ODAD3: variants seen among roughly 807,000 people sequenced by gnomAD.
The protein encoded by ODAD3 is outer dynein arm-docking complex subunit 3.
A neutral mutation model predicts 70.9 loss-of-function variants in ODAD3; 57 were observed. The observed-to-expected ratio is 0.80, with a 90% CI of 0.65 to 1.00. ODAD3 has a LOEUF of 1.00. Among genes scored for constraint, ODAD3 ranks in the 50% least tolerant of loss-of-function variants. ODAD3 has a pLI of 0.00. For synonymous variants in ODAD3, 327 were observed against 315.9 expected (o/e 1.04, Z -0.37); for missense variants, 797 against 763.9 (o/e 1.04, Z -0.51).
At chr19:11,421,528 G>A in intron 11 of ODAD3, 149 bp downstream of exon 11, 1 of 1,096,994 alleles carries the variant, frequency 9.1e-7, no homozygotes, top group South Asian at 1.5e-5. Context: ...CTCACCCCTG[G>A]CTCGTCAAAC....
In ODAD3 at chr19:11,422,905, G is replaced by A. The variant is rs1440982391; in HGVS notation, c.1117-44C>T. ...CAGTCAGAGCCAGGGCCTAGGGAGCGTAGGGGCGCTCCACCTCCTCTCCCC... is the reference window on the plus strand; with the variant it reads ...CAGTCAGAGCCAGGGCCTAGGGAGCATAGGGGCGCTCCACCTCCTCTCCCC... On this transcript the variant is annotated intron_variant, in intron 8 of 12. Coordinates refer to ENST00000356392, the MANE Select transcript of ODAD3 (RefSeq NM_145045.5). This position sits in a 1 kb window ranked among gnomAD's most constrained non-coding sequence, Gnocchi z 4.6. The A allele has an allele frequency of 6.3e-7, 1 of 1,580,022 alleles. No individual in the cohort carries two copies. The highest frequency in any genetic ancestry group is 8.6e-7 in the Non-Finnish European group (1 of 1,167,920).
At position 11,422,761 on chromosome 19, in the gene ODAD3, T is replaced by C; in HGVS notation, c.1217A>G (p.Lys406Arg). ...TTCCAGCTCCCGCTGCAGTTGTTGC[T>C]TCTCCTGCTTCAGCCTCACCAACGT... ...EQTLVRLKQE[K>R]QQLQRELEDL... The change falls in exon 9 of 13, where the codon AAG (lysine) becomes AGG (arginine). Residue 406 changes from lysine to arginine, a missense_variant. Lys to Arg is a conservative substitution (Grantham distance 26, BLOSUM62 2). Transcript: ENST00000356392. This position sits in a 1 kb window ranked among gnomAD's most constrained non-coding sequence, Gnocchi z 4.6. The C allele has an allele frequency of 6.2e-7, 1 of 1,612,312 alleles. No individual in the cohort carries two copies.
intron 3 of ODAD3, among the ~76,000 whole-genome samples, chr19:11,428,901 ATTTT>A (rs1409636453): frequency 1.4e-5 from 2 of 146,426 alleles, no homozygotes; most frequent in African/African-American, 5.0e-5. Flanking sequence ...TTATTTATTT[ATTTT>A]GAGACAGAGT....
chr19:11,422,353 A>T lies in ODAD3; in HGVS notation c.1434+118T>A, dbSNP rs1969157735. 1.6e-6 allele frequency: 2 copies of T among 1,271,342 alleles called. No individual in the cohort carries two copies. The highest frequency in any genetic ancestry group is 1.6e-5 in the South Asian group (1 of 64,008). 78.8% of individuals were successfully genotyped at this position (1,271,342 alleles called of 1,614,324 possible). A position where few individuals can be genotyped will look rare whatever the true frequency, so the allele number is the denominator to read the frequency against. On this transcript the variant is annotated intron_variant, in intron 10 of 12. Transcript: ENST00000356392. This position sits in a 1 kb window ranked among gnomAD's most constrained non-coding sequence, Gnocchi z 4.6. ...GGGCGGGGCCTCTGACGTCCGGGACAGAGGATGTGGCAGGCCACGTTCCCT... is the reference window on the plus strand; with the variant it reads ...GGGCGGGGCCTCTGACGTCCGGGACTGAGGATGTGGCAGGCCACGTTCCCT...
chr19:11,426,109 T>C, intron 7 of ODAD3, 35 bp downstream of exon 7: 1 of 1,594,532 alleles, frequency 6.3e-7, no homozygotes, highest in Non-Finnish European at 8.5e-7. Context: ...TGGGCTGGGC[T>C]GGAGTCACAG....
Position 11,426,726 on chromosome 19 carries a change from T to C in ODAD3, c.671A>G (p.Glu224Gly). The change falls in exon 5 of 13, where the codon GAG becomes GGG. Residue 224 changes from glutamate (E) to glycine (G), a missense_variant. Physicochemically the swap from Glu to Gly is moderately conservative, Grantham distance 98. Coordinates refer to ENST00000356392, the MANE Select transcript of ODAD3 (RefSeq NM_145045.5). The part of the protein sequence containing the change: ...EKAQMKAQEA[E>G]HITSVYLQLK... Reference sequence around the variant, plus strand: ...CTGCAGGTACACGCTGGTAATGTGCTCGGCCTCCTGCGCCTTCATCTGGGC... The same window carrying C: ...CTGCAGGTACACGCTGGTAATGTGCCCGGCCTCCTGCGCCTTCATCTGGGC... 6.2e-7 allele frequency: 1 copy of C among 1,613,932 alleles called. No individual in the cohort carries two copies. The highest frequency in any genetic ancestry group is 8.5e-7 in the Non-Finnish European group (1 of 1,179,880).
At position 11,426,916 on chromosome 19, in the gene ODAD3, A is replaced by G. The variant is rs1969391214; in HGVS notation, c.569T>C (p.Leu190Pro). 1 of 1,609,890 alleles carries G rather than the reference A, an allele frequency of 6.2e-7. No individual in the cohort carries two copies. Among genetic ancestry groups the G allele is most frequent in the Middle Eastern group, 1.7e-4 (1 of 6,058 alleles). Residue 190 changes from leucine (L) to proline (P), a missense_variant, in exon 4 of 13, where the codon CTG becomes CCG. Coordinates refer to ENST00000356392, the MANE Select transcript of ODAD3 (RefSeq NM_145045.5). ...ELQLQHSLRL[L>P]EMAEAQNRHT... ...TCTGTTTTGCGCCTCCGCCATCTCCAGAAGGCGCAGGCTGTGCTGCAGCTG... is the reference window on the plus strand; with the variant it reads ...TCTGTTTTGCGCCTCCGCCATCTCCGGAAGGCGCAGGCTGTGCTGCAGCTG...
intron 7 of ODAD3, among the ~76,000 whole-genome samples, chr19:11,425,491 GTATATATGTATATATGTGTGTATA>G (rs1969331389): frequency 3.7e-5 from 5 of 134,556 alleles, no homozygotes; most frequent in East Asian, 2.0e-4. Context: ...GTGTATATAT[GTATATATGTATATATGTGTGTATA>G]TATGTATATA....
upstream of ODAD3, chr19:11,435,687 G>A: frequency 7.6e-7 from 1 of 1,308,978 alleles, no homozygotes; most frequent in Non-Finnish European, 1.0e-6. Flanking sequence ...GGTGGATACT[G>A]ACCTTTGCTC....
At chr19:11,433,413 C>T (rs1969543801) in intron 1 of ODAD3, among the ~76,000 whole-genome samples, 1 of 152,232 alleles carries the variant, frequency 6.6e-6, no homozygotes, top group African/African-American at 2.4e-5. Context: ...GCAAACCAAC[C>T]CTTTTCCAAC....
rs1969251651 is a variant in ODAD3 at position 11,424,982 on chromosome 19, T to TATATATAC, written c.964-954_964-953insGTATATAT. ...ATATGTGTATATATGTATATATGTG[T>TATATATAC]ATATGTACATATGTGTATATGTATA... On this transcript the variant is annotated intron_variant, in intron 7 of 12. Coordinates refer to ENST00000356392, the MANE Select transcript of ODAD3 (RefSeq NM_145045.5). Among the ~76,000 whole-genome samples the TATATATAC allele has an allele frequency of 1.2e-4, 16 of 132,360 alleles. 1 individual carries two copies. The highest frequency in any genetic ancestry group is 2.4e-4 in the Non-Finnish European group (15 of 63,318). The allele number at this position is 132,360 out of a possible 152,430, so 86.8% of individuals were successfully genotyped here.
At position 11,426,884 on chromosome 19, in the gene ODAD3, C is replaced by G. The variant is rs747579841; in HGVS notation, c.601G>C (p.Glu201Gln). 1 of 1,609,636 alleles carries G rather than the reference C, an allele frequency of 6.2e-7. No individual in the cohort carries two copies. The highest frequency in any genetic ancestry group is 1.1e-5 in the South Asian group (1 of 90,862). The change falls in exon 4 of 13, where the codon GAG (glutamate) becomes CAG (glutamine). Residue 201 changes from glutamate to glutamine, a missense_variant. Physicochemically the swap from Glu to Gln is conservative, Grantham distance 29. Coordinates refer to ENST00000356392, the MANE Select transcript of ODAD3 (RefSeq NM_145045.5). ...EMAEAQNRHT[E>Q]VAKTMRNLEN... ...TCACCCGCCCCTACCTTGGCCACCT[C>G]CGTGTGTCTGTTTTGCGCCTCCGCC...
At position 11,434,881 on chromosome 19, in the gene ODAD3, G is replaced by C; in HGVS notation, c.136C>G (p.Gln46Glu). The change falls in exon 1 of 13, where the codon CAG becomes GAG. Residue 46 changes from glutamine to glutamate, a missense_variant. Physicochemically the swap from Gln to Glu is conservative, Grantham distance 29. Transcript: ENST00000356392. Reference sequence around the variant, plus strand: ...TTGGAACGGCCTGGGGTCCACGCCTGGGCTGTGCCCTTGCCTCGGAGGTGG... The same window carrying C: ...TTGGAACGGCCTGGGGTCCACGCCTCGGCTGTGCCCTTGCCTCGGAGGTGG... ...PSHLRGKGTA[Q>E]AWTPGRSKGG... The C allele has an allele frequency of 6.2e-7, 1 of 1,614,200 alleles. No homozygotes were observed. Among genetic ancestry groups the C allele is most frequent in the Non-Finnish European group, 8.5e-7 (1 of 1,180,034 alleles).
chr19:11,431,470 C>G (rs552120658), intron 1 of ODAD3, among the ~76,000 whole-genome samples: 1 of 151,714 alleles, frequency 6.6e-6, no homozygotes, highest in African/African-American at 2.4e-5. Flanking sequence ...ATGGTAAAAC[C>G]GCATCTCTAC....
chr19:11,434,681 G>C, intron 1 of ODAD3, 92 bp downstream of exon 1: 1 of 1,484,158 alleles, frequency 6.7e-7, no homozygotes, highest in Non-Finnish European at 9.1e-7. Context: ...GGTTTACCTA[G>C]ACTCATGCTG....
chr19:11,426,130 C>T lies in ODAD3; in HGVS notation c.963+14G>A, dbSNP rs1043109342. 6.2e-7 allele frequency: 1 copy of T among 1,602,302 alleles called. No individual in the cohort carries two copies. Among genetic ancestry groups the T allele is most frequent in the Admixed American group, 1.7e-5 (1 of 58,738 alleles). ...GGGCTGGAGTCACAGGCGCGCACCC[C>T]TGGGTGCGCCCACCTTGCGCTCCAT... On this transcript the variant is annotated intron_variant, in intron 7 of 12. Transcript: ENST00000356392.
chr19:11,429,040 G>T (rs1969448132), intron 3 of ODAD3, among the ~76,000 whole-genome samples: 1 of 151,558 alleles, frequency 6.6e-6, no homozygotes, highest in Non-Finnish European at 1.5e-5. Context: ...ACCATGCCCG[G>T]CTAATTTTTT....
chr19:11,435,262 G>C, upstream of ODAD3: 1 of 1,302,924 alleles, frequency 7.7e-7, no homozygotes, highest in Non-Finnish European at 1.0e-6. Context: ...GCTGCATAGA[G>C]GGGCGGTCCC....
intron 1 of ODAD3, 127 bp downstream of exon 1, chr19:11,434,642 GAACT>G: frequency 8.7e-7 from 1 of 1,144,130 alleles, no homozygotes; most frequent in Non-Finnish European, 1.2e-6. Flanking sequence ...GGAAAAACAT[GAACT>G]AAGTATGAGT....
Sources: gnomAD v4.1 joint callset for allele counts (sites outside exome capture counted in the v4.1 genomes callset) on GRCh38, gnomAD v4.1.1 for gene constraint, Gnocchi (gnomAD v3.1) non-coding constraint, MANE v1.5 for transcripts, NCBI Gene and HGNC (gene_info 2026-07-23, HGNC 2026-07-21) for gene names.